The following NEGR1 variants were observed in gnomAD, a reference collection of about 807,000 sequenced individuals.
NEGR1 encodes neuronal growth regulator 1, also known as IgLON family member 4.
In NEGR1, 10 loss-of-function variants were observed where a neutral mutation model predicts 40.9. The observed-to-expected ratio is 0.24, with a 90% confidence interval of 0.15 to 0.42. The LOEUF is 0.42. Ranked by LOEUF, NEGR1 falls within the 10% of genes least tolerant of loss-of-function variation. NEGR1 has a pLI of 1.00. For missense variants in NEGR1, 352 were observed against 438.9 expected, an observed-to-expected ratio of 0.80 and a Z score of 1.77; for synonymous variants, 185 against 166.8, an observed-to-expected ratio of 1.11 and a Z score of -0.84.
At chr1:71,602,564 C>T (rs900248722) in intron 5 of NEGR1, among the ~76,000 whole-genome samples, 1 of 152,180 alleles carries the variant, frequency 6.6e-6, no homozygotes, top group Non-Finnish European at 1.5e-5. Context: ...CATGATTATT[C>T]TTAACCCCGT....
chr1:72,282,008 AACAGAG>A (rs1656272566), intron 1 of NEGR1, among the ~76,000 whole-genome samples: 1 of 152,130 alleles, frequency 6.6e-6, no homozygotes, highest in Non-Finnish European at 1.5e-5. Flanking sequence ...ATGACAGTAA[AACAGAG>A]ACCTTGTGCA....
At chr1:71,412,904 G>T (rs779210522) in intron 6 of NEGR1, among the ~76,000 whole-genome samples, 6 of 152,162 alleles carry the variant, frequency 3.9e-5, no homozygotes, top group Non-Finnish European at 8.8e-5. Context: ...AATAGAGTAT[G>T]TAAGGGAGAC....
chr1:71,435,868 G>A (rs1477124574), intron 6 of NEGR1, among the ~76,000 whole-genome samples: 1 of 152,120 alleles, frequency 6.6e-6, no homozygotes, highest in Non-Finnish European at 1.5e-5. Flanking sequence ...CCAATACCCA[G>A]AACTCCATGA....
At chr1:71,916,659 G>A (rs1661594918) in intron 2 of NEGR1, among the ~76,000 whole-genome samples, 1 of 152,156 alleles carries the variant, frequency 6.6e-6, no homozygotes, top group Non-Finnish European at 1.5e-5. Context: ...GGGAGGCAGA[G>A]GCAGGAGAAT....
intron 1 of NEGR1, among the ~76,000 whole-genome samples, chr1:71,935,555 G>A (rs1054377712): frequency 4.6e-5 from 7 of 151,610 alleles, no homozygotes; most frequent in Admixed American, 1.3e-4. Flanking sequence ...GTGCATGTTC[G>A]TGTGTGTGTG....
intron 6 of NEGR1, among the ~76,000 whole-genome samples, chr1:71,527,666 T>C (rs890527360): frequency 6.6e-6 from 1 of 151,400 alleles, no homozygotes; most frequent in Non-Finnish European, 1.5e-5. Context: ...TACTTATGGG[T>C]TTTCTAAAGC....
chr1:71,499,712 T>TTAA (rs544762504), intron 6 of NEGR1, among the ~76,000 whole-genome samples: 103 of 152,042 alleles, frequency 6.8e-4, no homozygotes, highest in South Asian at 3.1e-3. Flanking sequence ...TTGCAGTAGA[T>TTAA]GTTCACTACC....
At chr1:72,004,195 TAC>T (rs917690409) in intron 1 of NEGR1, among the ~76,000 whole-genome samples, 1 of 151,926 alleles carries the variant, frequency 6.6e-6, no homozygotes. Context: ...TATATATATA[TAC>T]ACACACACAT....
chr1:71,808,245 T>C (rs961262365), intron 2 of NEGR1, among the ~76,000 whole-genome samples: 1 of 152,172 alleles, frequency 6.6e-6, no homozygotes, highest in Non-Finnish European at 1.5e-5. Flanking sequence ...AATAAATGTT[T>C]CATGATTTTT....
intron 1 of NEGR1, among the ~76,000 whole-genome samples, chr1:72,016,668 G>A (rs1447010794): frequency 6.6e-6 from 1 of 152,190 alleles, no homozygotes; most frequent in Non-Finnish European, 1.5e-5. Flanking sequence ...AAGATGCACA[G>A]CAACTTATGA....
intron 1 of NEGR1, among the ~76,000 whole-genome samples, chr1:72,147,847 C>T (rs2100348830): frequency 6.6e-6 from 1 of 152,274 alleles, no homozygotes; most frequent in African/African-American, 2.4e-5. Flanking sequence ...TTTTAAAGCT[C>T]TAAAATGATT....
chr1:72,147,790 T>C (rs966495727), intron 1 of NEGR1, among the ~76,000 whole-genome samples: 1 of 151,998 alleles, frequency 6.6e-6, no homozygotes, highest in African/African-American at 2.4e-5. Context: ...CCAAAACAAA[T>C]GGGTTACAGG....
chr1:71,738,844 T>C (rs540091233), intron 3 of NEGR1, among the ~76,000 whole-genome samples: 2 of 152,310 alleles, frequency 1.3e-5, no homozygotes, highest in South Asian at 4.1e-4. Flanking sequence ...CCCTACTGTT[T>C]TCTGTTTTAA....
At chr1:72,065,985 T>C (rs1647262506) in intron 1 of NEGR1, among the ~76,000 whole-genome samples, 1 of 152,084 alleles carries the variant, frequency 6.6e-6, no homozygotes, top group Non-Finnish European at 1.5e-5. Context: ...AACTTGCAAT[T>C]AAAAACACTA....
chr1:71,686,741 CT>C (rs1484569453), intron 4 of NEGR1, among the ~76,000 whole-genome samples: 1 of 152,124 alleles, frequency 6.6e-6, no homozygotes, highest in African/African-American at 2.4e-5. Flanking sequence ...GGACACTGAA[CT>C]ATTAGTCAGA....
Position 72,032,077 on chromosome 1 carries a change from T to G in NEGR1, c.177-96766A>C, listed in dbSNP as rs142536281. On this transcript the variant is annotated intron_variant, in intron 1 of 6. Transcript: ENST00000357731. ...AGAAGAGCTAGAAAATAAACTCAGG[T>G]TGGTCTGACTCAAAAACACTTGTTT... Among the ~76,000 whole-genome samples the G allele has an allele frequency of 1.2e-3, 187 of 152,202 alleles. 1 individual carries two copies. Among genetic ancestry groups the G allele is most frequent in the African/African-American group, 4.3e-3 (177 of 41,532 alleles).
At chr1:71,985,485 T>C (rs1368594411) in intron 1 of NEGR1, among the ~76,000 whole-genome samples, 2 of 152,138 alleles carry the variant, frequency 1.3e-5, no homozygotes, top group South Asian at 2.1e-4. Flanking sequence ...TTGCCCAAGA[T>C]TGTACCACCG....
At chr1:72,141,812 G>C (rs142759769) in intron 1 of NEGR1, among the ~76,000 whole-genome samples, 1 of 152,064 alleles carries the variant, frequency 6.6e-6, no homozygotes, top group African/African-American at 2.4e-5. Flanking sequence ...CTAATGCACT[G>C]TGCCTTGTAG....
At chr1:72,184,758 T>C (rs1158044712) in intron 1 of NEGR1, among the ~76,000 whole-genome samples, 1 of 152,066 alleles carries the variant, frequency 6.6e-6, no homozygotes, top group African/African-American at 2.4e-5. Context: ...GTTCCAGCTC[T>C]GAATTCCTGC....
Sources: gnomAD v4.1 joint callset for allele counts (sites outside exome capture counted in the v4.1 genomes callset) on GRCh38, gnomAD v4.1.1 for gene constraint, MANE v1.5 for transcripts, NCBI Gene and HGNC (gene_info 2026-07-23, HGNC 2026-07-21) for gene names.